The following RBFOX1 variants were observed in gnomAD, a reference collection of about 807,000 sequenced individuals.
The protein encoded by RBFOX1 is RNA binding fox-1 homolog 1, also known as RNA binding protein fox-1 homolog 1.
In RBFOX1, 8 loss-of-function variants were observed where a neutral mutation model predicts 57.7. The ratio of observed to expected loss-of-function variants is 0.14; its 90% CI spans 0.08 to 0.25. The LOEUF (loss-of-function observed/expected upper bound fraction) is 0.25. Among genes scored for constraint, RBFOX1 ranks in the 10% least tolerant of loss-of-function variants. The pLI, the probability that RBFOX1 is intolerant of heterozygous loss-of-function variation, is 1.00. For synonymous variants in RBFOX1, 326 were observed against 222.4 expected (o/e 1.47, Z -4.15); for missense variants, 611 against 548.5 (o/e 1.11, Z -1.14).
chr16:6,944,699 C>T (rs1317101199), intron 3 of RBFOX1, among the ~76,000 whole-genome samples: 1 of 152,140 alleles, frequency 6.6e-6, no homozygotes, highest in Non-Finnish European at 1.5e-5. Context: ...TGGTTCAGTA[C>T]ATGGTTTCCT....
intron 1 of RBFOX1, among the ~76,000 whole-genome samples, chr16:5,300,795 T>C (rs538586105): frequency 6.6e-6 from 1 of 152,358 alleles, no homozygotes; most frequent in African/African-American, 2.4e-5. Context: ...AATGACAGTT[T>C]TGAAAAACAA....
chr16:6,698,790 T>C (rs1057241067), intron 3 of RBFOX1, among the ~76,000 whole-genome samples: 1 of 152,234 alleles, frequency 6.6e-6, no homozygotes, highest in East Asian at 1.9e-4. Context: ...CTAAGCATTA[T>C]GCAATGGTGA....
intron 1 of RBFOX1, among the ~76,000 whole-genome samples, chr16:6,308,182 A>G (rs1271579062): frequency 1.3e-5 from 2 of 152,170 alleles, no homozygotes; most frequent in East Asian, 1.9e-4. Flanking sequence ...TTTATAAATT[A>G]TAATAATTTA....
At chr16:7,412,714 C>G (rs8055041) in intron 4 of RBFOX1, among the ~76,000 whole-genome samples, 83,024 of 152,068 alleles carry the variant, frequency 0.55, 23,100 homozygotes, top group South Asian at 0.65. Flanking sequence ...ATTTGTATGG[C>G]TTTTTTAAAT....
chr16:6,575,019 C>A (rs1342840680), intron 2 of RBFOX1, among the ~76,000 whole-genome samples: 1 of 136,482 alleles, frequency 7.3e-6, no homozygotes. Context: ...GCTTGGGGGA[C>A]AGAGCGAGAC....
chr16:5,735,040 T>A (rs771983061), intron 3 of RBFOX1, among the ~76,000 whole-genome samples: 7 of 152,164 alleles, frequency 4.6e-5, no homozygotes, highest in Non-Finnish European at 7.4e-5. Context: ...GAGAAGTATG[T>A]GAAGTCCACA....
At chr16:6,004,236 C>A (rs555605696) in intron 4 of RBFOX1, among the ~76,000 whole-genome samples, 2 of 152,194 alleles carry the variant, frequency 1.3e-5, no homozygotes, top group Non-Finnish European at 2.9e-5. Context: ...AATACCTGCT[C>A]TACAGCCTGA....
chr16:7,496,829 C>G (rs1022975631), intron 4 of RBFOX1, among the ~76,000 whole-genome samples: 10 of 150,376 alleles, frequency 6.7e-5, no homozygotes, highest in Admixed American at 2.0e-4. Context: ...CACTAGAATC[C>G]TATTTAAATA....
At chr16:7,568,208 T>G (rs1462958491) in intron 5 of RBFOX1, among the ~76,000 whole-genome samples, 1 of 152,172 alleles carries the variant, frequency 6.6e-6, no homozygotes, top group Admixed American at 6.5e-5. Context: ...ACTCCATAGG[T>G]AGAGCAGCCC....
At chr16:5,831,029 G>A (rs547999920) in intron 3 of RBFOX1, among the ~76,000 whole-genome samples, 5 of 152,244 alleles carry the variant, frequency 3.3e-5, no homozygotes, top group African/African-American at 1.2e-4. Flanking sequence ...TTGCTAATGC[G>A]TTAGTTGGCG....
Position 7,110,145 on chromosome 16 carries a change from T to A in RBFOX1, c.27+58047T>A, listed in dbSNP as rs138100041. Among the ~76,000 whole-genome samples the A allele has an allele frequency of 0.016, 2,277 of 144,380 alleles. 109 individuals carry two copies. In the East Asian group the frequency reaches 0.18, roughly 12 times the overall value. The allele number at this position is 144,380 out of a possible 152,430, so 94.7% of individuals were successfully genotyped here. A position where few individuals can be genotyped will look rare whatever the true frequency, so the allele number is the denominator to read the frequency against. On this transcript the variant is annotated intron_variant, in intron 4 of 15. Coordinates refer to ENST00000550418, the MANE Select transcript of RBFOX1 (RefSeq NM_018723.4). ...AAGGAGGATTGTTTGAGGCCAGGAG[T>A]GTGAGACCAGCCTGGGCAACATAGC... is the stretch of plus-strand genomic sequence containing the variant.
At chr16:6,013,956 C>A (rs1277825466) in intron 4 of RBFOX1, among the ~76,000 whole-genome samples, 1 of 94,752 alleles carries the variant, frequency 1.1e-5, no homozygotes, top group Admixed American at 1.5e-4. Context: ...ACACCGGGGC[C>A]TGTTGTGGGA....
intron 3 of RBFOX1, among the ~76,000 whole-genome samples, chr16:6,994,149 A>G (rs926971762): frequency 5.3e-5 from 8 of 152,066 alleles, no homozygotes; most frequent in African/African-American, 1.4e-4. Flanking sequence ...CGCTTGGGGT[A>G]TTGGCGGGAT....
intron 1 of RBFOX1, among the ~76,000 whole-genome samples, chr16:5,256,842 A>T (rs935663026): frequency 3.3e-5 from 5 of 152,052 alleles, no homozygotes; most frequent in Admixed American, 3.3e-4. Context: ...GCTGAGGCAC[A>T]AGAATCATTT....
At chr16:5,291,261 GTTT>G (rs71142610) in intron 1 of RBFOX1, among the ~76,000 whole-genome samples, 3 of 118,812 alleles carry the variant, frequency 2.5e-5, no homozygotes, top group African/African-American at 6.6e-5. Flanking sequence ...TTTATCATTG[GTTT>G]TTTTTTTTTT....
intron 4 of RBFOX1, among the ~76,000 whole-genome samples, chr16:7,280,786 A>T (rs1336611854): frequency 2.0e-5 from 3 of 152,200 alleles, no homozygotes; most frequent in East Asian, 1.9e-4. Context: ...GACACTAGTA[A>T]CACCCTTTCC....
At chr16:7,504,807 A>G (rs1246171666) in intron 4 of RBFOX1, among the ~76,000 whole-genome samples, 1 of 94,070 alleles carries the variant, frequency 1.1e-5, no homozygotes, top group Non-Finnish European at 2.0e-5. Flanking sequence ...ATATATTTAT[A>G]TATATATATA....
chr16:6,797,031 G>T (rs1245717677), intron 3 of RBFOX1, among the ~76,000 whole-genome samples: 1 of 152,084 alleles, frequency 6.6e-6, no homozygotes, highest in Non-Finnish European at 1.5e-5. Context: ...TTGGACTGCT[G>T]GTCTAAAAGG....
At chr16:6,015,421 TATG>T (rs1212196282), upstream of RBFOX1, among the ~76,000 whole-genome samples, 2 of 152,186 alleles carry the variant, frequency 1.3e-5, no homozygotes, top group African/African-American at 4.8e-5. Flanking sequence ...TGGAAATCAT[TATG>T]GTAATGGTGC....
Sources: allele counts gnomAD v4.1 joint callset (sites outside exome capture counted in the v4.1 genomes callset), GRCh38; gene constraint gnomAD v4.1.1; transcripts MANE v1.5; gene names NCBI Gene and HGNC (gene_info 2026-07-23, HGNC 2026-07-21).